Variants in GLMN observed in about 807,000 individuals in gnomAD.
GLMN encodes glomulin.
In GLMN, 75 loss-of-function variants were observed where a neutral mutation model predicts 87.8. The observed-to-expected ratio is 0.85, with a 90% CI of 0.71 to 1.04. GLMN has a LOEUF of 1.04. Ranked by LOEUF, GLMN falls within the 50% of genes least tolerant of loss-of-function variation. The pLI is 0.00. For missense variants in GLMN, 588 were observed against 658.8 expected (o/e 0.89, Z 1.18); for synonymous variants, 206 against 221.6 (o/e 0.93, Z 0.63).
the GLMN span, among the ~76,000 whole-genome samples, chr1:92,319,029 C>G: frequency 2.6e-5 from 4 of 151,670 alleles, no homozygotes; most frequent in South Asian, 8.3e-4. Context: ...GATTTAAACA[C>G]GATTACATGC....
chr1:92,286,350 AT>A (rs1205962632), intron 7 of GLMN, 139 bp downstream of exon 7: 1 of 446,216 alleles, frequency 2.2e-6, no homozygotes, highest in Non-Finnish European at 4.0e-6. Context: ...TTGCTGTTTT[AT>A]TTTCCATCTT....
chr1:92,318,320 T>C, the GLMN span, among the ~76,000 whole-genome samples: 1 of 152,308 alleles, frequency 6.6e-6, no homozygotes, highest in Non-Finnish European at 1.5e-5. Context: ...AATATTATGT[T>C]ACTCACTTTA....
intron 7 of GLMN, among the ~76,000 whole-genome samples, chr1:92,278,159 C>CTA (rs146739410): frequency 0.01 from 1,533 of 152,262 alleles, 26 homozygotes; most frequent in African/African-American, 0.035. Context: ...CTTGTTATGA[C>CTA]TATAGTAGGA....
Position 92,247,104 on chromosome 1 carries a change from A to C in GLMN, c.1626T>G (p.Ser542Arg). The change falls in exon 18 of 19, where the codon AGT becomes AGG. Residue 542 changes from serine (S) to arginine (R), a missense_variant. Transcript: ENST00000370360. ...KSKDLCSITV[S>R]GEEIPNMPPE... ...GAGGCATATTAGGGATCTCTTCTCC[A>C]CTTACAGTTATAGAACAAAGATCTT... The C allele has an allele frequency of 6.3e-7, 1 of 1,578,692 alleles. No homozygotes were observed. Among genetic ancestry groups the C allele is most frequent in the Non-Finnish European group, 8.7e-7 (1 of 1,148,596 alleles).
chr1:92,305,432 C>CAAAAAAAAAAAAAAAAAAA, the GLMN span, among the ~76,000 whole-genome samples: 42 of 52,676 alleles, frequency 8.0e-4, 1 homozygote, highest in African/African-American at 2.4e-3. Context: ...GGCTCCGTCT[C>CAAAAAAAAAAAAAAAAAAA]AAAAAAAAAA....
Position 92,277,430 on chromosome 1 carries a change from TAA to T in GLMN, c.736-5780_736-5779del, listed in dbSNP as rs533177886. On this transcript the variant is annotated intron_variant, in intron 7 of 18. Coordinates refer to ENST00000370360, the MANE Select transcript of GLMN (RefSeq NM_053274.3). ...AAAATCCTTGGAATCTCCAAAGTGA[TAA>T]GTGTCTTTATGCTATTGAGTTGACT... is the stretch of plus-strand genomic sequence containing the variant. 2.5e-3 allele frequency among the ~76,000 whole-genome samples: 386 copies of T among 152,326 alleles called. 3 individuals are homozygous for T. Among genetic ancestry groups the T allele is most frequent in the South Asian group, 9.3e-3 (45 of 4,824 alleles).
At chr1:92,303,415 T>C (rs958499450), upstream of GLMN, among the ~76,000 whole-genome samples, 14 of 152,192 alleles carry the variant, frequency 9.2e-5, no homozygotes, top group African/African-American at 3.4e-4. Flanking sequence ...TATTTGATCA[T>C]GAAGATGTCA....
the GLMN span, chr1:92,345,766 T>C: frequency 1.1e-6 from 1 of 890,446 alleles, no homozygotes; most frequent in African/African-American, 1.7e-5. Context: ...CACATTATTA[T>C]AAATCTGATG....
chr1:92,328,396 G>T, the GLMN span, among the ~76,000 whole-genome samples: 3 of 152,124 alleles, frequency 2.0e-5, no homozygotes, highest in African/African-American at 7.2e-5. Context: ...CAAAAGCCTT[G>T]TCTTGAAGCT....
the GLMN span, among the ~76,000 whole-genome samples, chr1:92,369,544 GTC>G: frequency 6.6e-6 from 1 of 152,090 alleles, no homozygotes; most frequent in South Asian, 2.1e-4. Context: ...GCCTCAAACA[GTC>G]TTCCTACCTC....
rs549756143 is a variant in GLMN at position 92,288,003 on chromosome 1, ATGT to A, written c.632+908_632+910del. 3.3e-3 allele frequency among the ~76,000 whole-genome samples: 505 copies of A among 151,854 alleles called. 1 individual carries two copies. The highest frequency in any genetic ancestry group is 5.4e-3 in the Admixed American group (82 of 15,248). On this transcript the variant is annotated intron_variant, in intron 6 of 18. Transcript: ENST00000370360. The stretch of plus-strand genomic sequence containing the variant: ...ATATCTGAAATATTGTCATTTCAAC[ATGT>A]TATCAATATAAAAATTGAGGTATTT...
chr1:92,351,263 C>A, the GLMN span, among the ~76,000 whole-genome samples: 2 of 133,808 alleles, frequency 1.5e-5, no homozygotes, highest in Non-Finnish European at 3.1e-5. Context: ...GCCAAGATTG[C>A]GCCACTGCAC....
chr1:92,303,706 TATTTC>T (rs776760627), upstream of GLMN, among the ~76,000 whole-genome samples: 2 of 152,340 alleles, frequency 1.3e-5, no homozygotes, highest in Non-Finnish European at 2.9e-5. Flanking sequence ...GCCTCAGAAT[TATTTC>T]ATTTAACTAT....
rs553557600 is a variant in GLMN at position 92,271,275 on chromosome 1, C to G, written c.923+190G>C. On this transcript the variant is annotated intron_variant, in intron 8 of 18. Transcript: ENST00000370360. Reference sequence around the variant, plus strand: ...ATTCCCTTACACCTATTTCAACACTCCCCACTTTCATTACTTGTCTACTGC... The same window carrying G: ...ATTCCCTTACACCTATTTCAACACTGCCCACTTTCATTACTTGTCTACTGC... 1.8e-3 allele frequency among the ~76,000 whole-genome samples: 271 copies of G among 152,252 alleles called. 1 individual carries two copies. The highest frequency in any genetic ancestry group is 5.8e-3 in the African/African-American group (242 of 41,550).
the GLMN span, among the ~76,000 whole-genome samples, chr1:92,306,088 C>A: frequency 2.6e-5 from 4 of 152,068 alleles, no homozygotes; most frequent in Non-Finnish European, 5.9e-5. Context: ...GGTGGATGAA[C>A]CTTGAAGATA....
chr1:92,295,674 G>T (rs1283893958), intron 3 of GLMN, among the ~76,000 whole-genome samples: 1 of 152,152 alleles, frequency 6.6e-6, no homozygotes, highest in African/African-American at 2.4e-5. Context: ...AGAGCAGAGT[G>T]GTTAGGAGCT....
the GLMN span, among the ~76,000 whole-genome samples, chr1:92,316,904 T>C: frequency 1.3e-5 from 2 of 152,288 alleles, no homozygotes; most frequent in South Asian, 4.1e-4. Flanking sequence ...TCTTTATAGA[T>C]TGGGGATGAG....
chr1:92,248,178 G>A (rs1002715454), intron 16 of GLMN, 189 bp from the exon 17 acceptor site: 5 of 541,220 alleles, frequency 9.2e-6, no homozygotes, highest in Non-Finnish European at 1.6e-5. Flanking sequence ...ATGTACTTGG[G>A]GCACTACGCT....
At chr1:92,289,228 A>C in intron 5 of GLMN, 77 bp from the exon 6 acceptor site, 1 of 824,986 alleles carries the variant, frequency 1.2e-6, no homozygotes. Flanking sequence ...TGGAATTATA[A>C]GACACTTCCT....
Sources: allele counts gnomAD v4.1 joint callset (sites outside exome capture counted in the v4.1 genomes callset), GRCh38; gene constraint gnomAD v4.1.1; transcripts MANE v1.5; gene names NCBI Gene and HGNC (gene_info 2026-07-23, HGNC 2026-07-21).